Variants in STXBP5 observed in about 807,000 individuals in gnomAD.
STXBP5 encodes the protein syntaxin-binding protein 5.
Under a neutral mutation model 152.4 loss-of-function variants are expected in STXBP5, and 50 were observed. The observed-to-expected ratio is 0.33, with a 90% CI of 0.26 to 0.42. The LOEUF (loss-of-function observed/expected upper bound fraction) is 0.42. Among genes scored for constraint, STXBP5 ranks in the 10% least tolerant of loss-of-function variants. The probability of loss-of-function intolerance (pLI) is 1.00; values close to 1 mark genes in which losing one functional copy is unlikely to be tolerated. For synonymous variants in STXBP5, 492 were observed against 494.7 expected (o/e 0.99, Z 0.07); for missense variants, 1,167 against 1,388.6 (o/e 0.84, Z 2.54).
intron 14 of STXBP5, 108 bp downstream of exon 14, chr6:147,314,744 G>T (rs1782558156): frequency 3.8e-6 from 3 of 779,380 alleles, no homozygotes; most frequent in Non-Finnish European, 5.7e-6. Flanking sequence ...AAATGTAGAG[G>T]TTATAAATTT....
At chr6:147,206,314 T>C (rs964680470) in intron 2 of STXBP5, among the ~76,000 whole-genome samples, 2 of 152,190 alleles carry the variant, frequency 1.3e-5, no homozygotes, top group Admixed American at 1.3e-4. Context: ...TTTTTTATGA[T>C]AACTATTTTA....
intron 21 of STXBP5, among the ~76,000 whole-genome samples, chr6:147,341,101 G>A (rs1437407493): frequency 6.6e-6 from 1 of 151,868 alleles, no homozygotes; most frequent in African/African-American, 2.4e-5. Flanking sequence ...CACAAGATTT[G>A]GGTATACAGA....
intron 18 of STXBP5, among the ~76,000 whole-genome samples, chr6:147,331,978 G>T (rs1305005068): frequency 6.6e-6 from 1 of 152,116 alleles, no homozygotes; most frequent in Non-Finnish European, 1.5e-5. Context: ...GCTGCTGTTA[G>T]GGTTAAATGA....
intron 16 of STXBP5, among the ~76,000 whole-genome samples, chr6:147,319,558 CAACT>C (rs1348154844): frequency 1.3e-5 from 2 of 152,092 alleles, no homozygotes; most frequent in East Asian, 1.9e-4. Flanking sequence ...AACTTTATAA[CAACT>C]AACCTCATGT....
Position 147,206,065 on chromosome 6 carries a change from G to C in STXBP5, c.245G>C (p.Arg82Thr). 6.2e-7 allele frequency: 1 copy of C among 1,612,354 alleles called. No homozygotes were observed. Among genetic ancestry groups the C allele is most frequent in the Non-Finnish European group, 8.5e-7 (1 of 1,178,514 alleles). ...LAVGTQTGAL[R>T]LFGRPGVECY... is the part of the protein sequence containing the mutation. ...GTGGGAACTCAGACTGGTGCTTTAA[G>C]GCTGTATCCTTTCTTTAATTTTATT... is the stretch of plus-strand genomic sequence containing the variant. The change falls in exon 2 of 28, where the codon AGG becomes ACG. Residue 82 changes from arginine (R) to threonine (T), a missense_variant. Coordinates refer to ENST00000321680, the MANE Select transcript of STXBP5 (RefSeq NM_001127715.4).
intron 2 of STXBP5, among the ~76,000 whole-genome samples, chr6:147,229,570 G>A (rs1582813785): frequency 6.6e-6 from 1 of 151,794 alleles, no homozygotes; most frequent in South Asian, 2.1e-4. Flanking sequence ...AGTTTTTAAT[G>A]TTACAGGTCT....
intron 17 of STXBP5, among the ~76,000 whole-genome samples, chr6:147,325,742 G>A (rs1783217126): frequency 6.6e-6 from 1 of 152,010 alleles, no homozygotes; most frequent in Admixed American, 6.6e-5. Flanking sequence ...TTGTCTCCTT[G>A]CTTGATGCTA....
intron 21 of STXBP5, among the ~76,000 whole-genome samples, chr6:147,349,941 G>C (rs979662713): frequency 2.0e-5 from 3 of 152,146 alleles, no homozygotes; most frequent in Admixed American, 2.0e-4. Context: ...CATTCAAGGA[G>C]ATTGCTTAAA....
At chr6:147,300,041 CAAG>C (rs1384741647) in intron 9 of STXBP5, among the ~76,000 whole-genome samples, 1 of 151,774 alleles carries the variant, frequency 6.6e-6, no homozygotes, top group Admixed American at 6.6e-5. Flanking sequence ...AAAAAGAAGT[CAAG>C]AAGACAATCT....
intron 8 of STXBP5, among the ~76,000 whole-genome samples, chr6:147,280,761 T>C (rs1582884539): frequency 6.6e-6 from 1 of 152,122 alleles, no homozygotes; most frequent in East Asian, 1.9e-4. Flanking sequence ...CAGAAAAGGG[T>C]CACTAGCTAA....
rs1786457405 is a variant in STXBP5 at position 147,388,774 on chromosome 6, T to A, written c.*4019T>A. The A allele has an allele frequency of 6.6e-6, 1 of 150,846 alleles. No individual in the cohort carries two copies. Among genetic ancestry groups the A allele is most frequent in the African/African-American group, 2.4e-5 (1 of 41,314 alleles). The allele number at this position is 150,846 out of a possible 1,614,324, so 9.3% of individuals were successfully genotyped here. On this transcript the variant is annotated 3_prime_UTR_variant, in exon 28 of 28. Coordinates refer to ENST00000321680, the MANE Select transcript of STXBP5 (RefSeq NM_001127715.4). ...CTTTCTCAATAGCTTCAGTTTGCTGTTGGATGCCTACCTTAACTATTGTTT... is the reference window on the plus strand; with the variant it reads ...CTTTCTCAATAGCTTCAGTTTGCTGATGGATGCCTACCTTAACTATTGTTT...
At chr6:147,212,823 C>T (rs1003207223) in intron 2 of STXBP5, among the ~76,000 whole-genome samples, 1 of 152,158 alleles carries the variant, frequency 6.6e-6, no homozygotes, top group African/African-American at 2.4e-5. Flanking sequence ...TTCCTTGAAA[C>T]AGTAGCTCAC....
intron 7 of STXBP5, among the ~76,000 whole-genome samples, chr6:147,267,471 C>T (rs1012309921): frequency 2.0e-5 from 3 of 151,904 alleles, no homozygotes; most frequent in Non-Finnish European, 2.9e-5. Context: ...TTCTTTTGTA[C>T]GAATGATAGT....
At position 147,386,819 on chromosome 6, in the gene STXBP5, A is replaced by G. The variant is rs1378646489; in HGVS notation, c.*2064A>G. The G allele has an allele frequency of 4.6e-5, 7 of 151,774 alleles. No individual in the cohort carries two copies. Among genetic ancestry groups the G allele is most frequent in the Non-Finnish European group, 1.0e-4 (7 of 67,758 alleles). The allele number at this position is 151,774 out of a possible 1,614,324, so 9.4% of individuals were successfully genotyped here. A position where few individuals can be genotyped will look rare whatever the true frequency, so the allele number is the denominator to read the frequency against. ...TTGGGAAAGCATTATGTAGATTAATATACTGGTTGGTTCCCTATCTATGTG... is the reference window on the plus strand; with the variant it reads ...TTGGGAAAGCATTATGTAGATTAATGTACTGGTTGGTTCCCTATCTATGTG... On this transcript the variant is annotated 3_prime_UTR_variant, in exon 28 of 28. Transcript: ENST00000321680.
At chr6:147,267,479 A>G (rs1359356087) in intron 7 of STXBP5, among the ~76,000 whole-genome samples, 1 of 152,126 alleles carries the variant, frequency 6.6e-6, no homozygotes, top group Non-Finnish European at 1.5e-5. Context: ...TACGAATGAT[A>G]GTATACTATA....
chr6:147,334,595 G>A (rs554650037), intron 19 of STXBP5, among the ~76,000 whole-genome samples: 1 of 152,124 alleles, frequency 6.6e-6, no homozygotes, highest in South Asian at 2.1e-4. Context: ...CATGAGTGTA[G>A]ACAATTAGAA....
intron 4 of STXBP5, among the ~76,000 whole-genome samples, chr6:147,245,161 C>A (rs565618521): frequency 2.0e-5 from 3 of 151,504 alleles, no homozygotes; most frequent in Admixed American, 6.6e-5. Flanking sequence ...GCTAATTTTT[C>A]TTTGAATTGA....
chr6:147,300,161 G>A lies in STXBP5; in HGVS notation c.917+8989G>A, dbSNP rs1016902864. ...AAACATTGAGGAAAGAAATTGAAGA[G>A]CACAAATGGAAGTGTATCTTTTTCA... is the stretch of plus-strand genomic sequence containing the variant. On this transcript the variant is annotated intron_variant, in intron 9 of 27. Transcript: ENST00000321680. 3.3e-5 allele frequency among the ~76,000 whole-genome samples: 5 copies of A among 151,780 alleles called. No individual in the cohort carries two copies. In the East Asian group the frequency reaches 7.7e-4, roughly 23 times the overall value.
At chr6:147,373,357 C>T (rs905238188) in intron 25 of STXBP5, among the ~76,000 whole-genome samples, 10 of 94,848 alleles carry the variant, frequency 1.1e-4, no homozygotes, top group Admixed American at 1.7e-4. Context: ...CAGAGTGAGA[C>T]TGTCTCAAAA....
Sources: allele counts gnomAD v4.1 joint callset (sites outside exome capture counted in the v4.1 genomes callset), GRCh38; gene constraint gnomAD v4.1.1; transcripts MANE v1.5; gene names NCBI Gene and HGNC (gene_info 2026-07-23, HGNC 2026-07-21).